The following SPON1 variants were observed in gnomAD, a reference collection of about 807,000 sequenced individuals.
SPON1 encodes the protein spondin-1.
SPON1 carries 52 observed loss-of-function variants against 111.7 expected under a neutral mutation model. That is an observed-to-expected ratio of 0.47 (90% CI 0.37 to 0.59). SPON1 has a LOEUF of 0.59. Among genes scored for constraint, SPON1 ranks in the 20% least tolerant of loss-of-function variants. The probability of loss-of-function intolerance (pLI) is 0.00; values close to 1 mark genes in which losing one functional copy is unlikely to be tolerated. For missense variants in SPON1, 957 were observed against 1,068.5 expected (o/e 0.90, Z 1.46); for synonymous variants, 410 against 395.8 (o/e 1.04, Z -0.43).
At chr11:14,222,266 G>T (rs186945535) in intron 6 of SPON1, among the ~76,000 whole-genome samples, 1 of 152,278 alleles carries the variant, frequency 6.6e-6, no homozygotes, top group Non-Finnish European at 1.5e-5. Flanking sequence ...CATAAGCCAG[G>T]TTTCATCAAG....
At chr11:14,021,217 A>G (rs1356749902) in intron 2 of SPON1, among the ~76,000 whole-genome samples, 4 of 152,076 alleles carry the variant, frequency 2.6e-5, no homozygotes, top group African/African-American at 9.7e-5. Flanking sequence ...GGAAGCTACC[A>G]TTTCTGTTTT....
chr11:14,111,573 C>T (rs1313396774), intron 5 of SPON1, among the ~76,000 whole-genome samples: 2 of 152,188 alleles, frequency 1.3e-5, no homozygotes, highest in African/African-American at 2.4e-5. Flanking sequence ...CTGAAGCTAA[C>T]AGCATTTATA....
chr11:14,191,444 C>T (rs1554934549), intron 6 of SPON1, among the ~76,000 whole-genome samples: 1 of 152,208 alleles, frequency 6.6e-6, no homozygotes, highest in African/African-American at 2.4e-5. Context: ...GAGTTGTTTC[C>T]TTCTTCCTTC....
At chr11:14,132,203 G>T (rs1240907215) in intron 5 of SPON1, among the ~76,000 whole-genome samples, 1 of 152,092 alleles carries the variant, frequency 6.6e-6, no homozygotes, top group South Asian at 2.1e-4. Context: ...GCTTGAACCT[G>T]GGAGGCAGAG....
At position 14,265,714 on chromosome 11, in the gene SPON1, A is replaced by G. The variant is rs782094445; in HGVS notation, c.*27A>G. Reference sequence around the variant, plus strand: ...AAGGGTACGAGTTCCCCAGGGCTGCACTCTAGATTCCAGAGTCACCAATGG... The same window carrying G: ...AAGGGTACGAGTTCCCCAGGGCTGCGCTCTAGATTCCAGAGTCACCAATGG... On this transcript the variant is annotated 3_prime_UTR_variant, in exon 16 of 16. Transcript: ENST00000576479. 2 of 1,606,536 alleles carry G rather than the reference A, an allele frequency of 1.2e-6. No individual in the cohort carries two copies. The highest frequency in any genetic ancestry group is 4.5e-5 in the East Asian group (2 of 44,790).
At chr11:14,188,023 T>G (rs1019657993) in intron 6 of SPON1, among the ~76,000 whole-genome samples, 1 of 152,106 alleles carries the variant, frequency 6.6e-6, no homozygotes, top group Non-Finnish European at 1.5e-5. Flanking sequence ...TCAGGTGGTC[T>G]GCCTGCCTCA....
intron 2 of SPON1, among the ~76,000 whole-genome samples, chr11:14,025,432 T>C (rs1187171066): frequency 6.6e-6 from 1 of 152,232 alleles, no homozygotes. Flanking sequence ...AACCAGCCCC[T>C]GCTTTCAGAT....
chr11:14,173,032 G>A (rs1848126135), intron 6 of SPON1, among the ~76,000 whole-genome samples: 1 of 151,820 alleles, frequency 6.6e-6, no homozygotes. Context: ...GAATTTGAAT[G>A]TTGGCCTGCC....
intron 6 of SPON1, among the ~76,000 whole-genome samples, chr11:14,191,331 C>T (rs1308075167): frequency 1.3e-5 from 2 of 152,170 alleles, no homozygotes; most frequent in Admixed American, 1.3e-4. Flanking sequence ...GATGCCTTCA[C>T]AGTTTAAACT....
intron 1 of SPON1, among the ~76,000 whole-genome samples, chr11:13,976,549 G>A (rs540300899): frequency 6.6e-6 from 1 of 152,276 alleles, no homozygotes; most frequent in African/African-American, 2.4e-5. Context: ...ATATTTAATA[G>A]GGTTGTGTAC....
intron 6 of SPON1, among the ~76,000 whole-genome samples, chr11:14,198,648 A>G (rs967898117): frequency 2.6e-5 from 4 of 152,086 alleles, no homozygotes; most frequent in Non-Finnish European, 5.9e-5. Context: ...TGACAATCCC[A>G]CTCATTCAGG....
chr11:14,243,519 C>A, intron 7 of SPON1, 123 bp downstream of exon 7: 1 of 799,264 alleles, frequency 1.3e-6, no homozygotes, highest in Non-Finnish European at 2.1e-6. Context: ...AGTTAACAAG[C>A]AGGCAAGATG....
intron 6 of SPON1, among the ~76,000 whole-genome samples, chr11:14,188,226 C>T (rs1252157703): frequency 3.3e-5 from 5 of 152,090 alleles, no homozygotes; most frequent in African/African-American, 1.2e-4. Context: ...ACTTTCAACA[C>T]CAGCATTTAT....
At chr11:14,169,493 T>C (rs1222381394) in intron 6 of SPON1, among the ~76,000 whole-genome samples, 4 of 152,012 alleles carry the variant, frequency 2.6e-5, no homozygotes, top group African/African-American at 9.7e-5. Context: ...GCAGAAGCTC[T>C]TGAGTTTAAT....
intron 2 of SPON1, among the ~76,000 whole-genome samples, chr11:13,996,623 A>G (rs1848274187): frequency 6.6e-6 from 1 of 152,148 alleles, no homozygotes. Context: ...AAATAAAAAT[A>G]TGTCATTTTA....
At position 14,266,142 on chromosome 11, in the gene SPON1, CTTCTTAG is replaced by C. The variant is rs1230966419; in HGVS notation, c.*457_*463del. The C allele has an allele frequency of 6.5e-6, 1 of 153,792 alleles. No homozygotes were observed. The highest frequency in any genetic ancestry group is 1.4e-5 in the Non-Finnish European group (1 of 69,104). 9.5% of individuals were successfully genotyped at this position (153,792 alleles called of 1,614,324 possible). On this transcript the variant is annotated 3_prime_UTR_variant, in exon 16 of 16. Coordinates refer to ENST00000576479, the MANE Select transcript of SPON1 (RefSeq NM_006108.4). ...CAATGAAACCATTGTTTGCCCATCT[CTTCTTAG>C]TGGAACTTTAGGTCTCTTTTCAAGT...
At position 14,260,658 on chromosome 11, in the gene SPON1, G is replaced by A; in HGVS notation, c.1902G>A (p.Met634Ile). The change falls in exon 14 of 16, where the codon ATG (methionine) becomes ATA (isoleucine). Residue 634 changes from methionine to isoleucine, a missense_variant. By Grantham distance (10) the Met-to-Ile change is conservative (BLOSUM62 1). Coordinates refer to ENST00000576479, the MANE Select transcript of SPON1 (RefSeq NM_006108.4). ...SDCSVTCGKG[M>I]RTRQRMLKSL... Reference sequence around the variant, plus strand: ...GCAGCGTGACCTGCGGGAAGGGCATGCGAACCCGACAGCGGATGCTCAAGT... The same window carrying A: ...GCAGCGTGACCTGCGGGAAGGGCATACGAACCCGACAGCGGATGCTCAAGT... 1 of 1,614,026 alleles carries A rather than the reference G, an allele frequency of 6.2e-7. No homozygotes were observed.
At chr11:14,195,244 A>G (rs906764930) in intron 6 of SPON1, among the ~76,000 whole-genome samples, 6 of 152,212 alleles carry the variant, frequency 3.9e-5, no homozygotes, top group Admixed American at 1.3e-4. Context: ...CCTCTGATCA[A>G]TCTGGTGTGC....
At chr11:14,233,659 G>C (rs570103125) in intron 6 of SPON1, among the ~76,000 whole-genome samples, 1 of 152,076 alleles carries the variant, frequency 6.6e-6, no homozygotes, top group South Asian at 2.1e-4. Context: ...GATGCAATGC[G>C]GCCCCTGCTC....
Sources: gnomAD v4.1 joint callset for allele counts (sites outside exome capture counted in the v4.1 genomes callset) on GRCh38, gnomAD v4.1.1 for gene constraint, MANE v1.5 for transcripts, NCBI Gene and HGNC (gene_info 2026-07-23, HGNC 2026-07-21) for gene names.